The following KCTD16 variants were observed in gnomAD, a reference collection of about 807,000 sequenced individuals.
The protein encoded by KCTD16 is BTB/POZ domain-containing protein KCTD16.
KCTD16 carries 13 observed loss-of-function variants against 33.2 expected under a neutral mutation model. The observed-to-expected ratio is 0.39, with a 90% CI of 0.25 to 0.62. The LOEUF (loss-of-function observed/expected upper bound fraction) is 0.62, where lower values mean the gene tolerates loss of function less well. KCTD16 is among the 20% of genes least tolerant of loss of function. The pLI is 0.50. For missense variants in KCTD16, 441 were observed against 525.1 expected, an observed-to-expected ratio of 0.84 and a Z score of 1.57; for synonymous variants, 197 against 195.3, an observed-to-expected ratio of 1.01 and a Z score of -0.07.
intron 3 of KCTD16, among the ~76,000 whole-genome samples, chr5:144,405,428 C>T (rs187896261): frequency 1.6e-4 from 25 of 152,310 alleles, no homozygotes; most frequent in African/African-American, 5.1e-4. Context: ...TCCTGGATAC[C>T]TTGATCCCTG....
intron 3 of KCTD16, among the ~76,000 whole-genome samples, chr5:144,242,738 G>T (rs147334007): frequency 7.9e-5 from 12 of 152,222 alleles, no homozygotes; most frequent in Non-Finnish European, 1.6e-4. Flanking sequence ...TGTAGAGATT[G>T]CATGGTCATA....
At chr5:144,356,568 G>T (rs936336470) in intron 3 of KCTD16, among the ~76,000 whole-genome samples, 5 of 152,118 alleles carry the variant, frequency 3.3e-5, no homozygotes, top group African/African-American at 1.2e-4. Flanking sequence ...AAGGGGTCCA[G>T]TTCCTAATGT....
At chr5:144,418,288 G>T (rs182379015) in intron 3 of KCTD16, among the ~76,000 whole-genome samples, 1 of 152,286 alleles carries the variant, frequency 6.6e-6, no homozygotes, top group African/African-American at 2.4e-5. Context: ...GGTTGCCAAC[G>T]GGGATTCTGG....
chr5:144,418,619 C>T (rs948863970), intron 3 of KCTD16, among the ~76,000 whole-genome samples: 14 of 152,114 alleles, frequency 9.2e-5, no homozygotes, highest in Admixed American at 6.5e-5. Flanking sequence ...ATCAGTTAGC[C>T]TTAGGTATAT....
chr5:144,344,946 G>A (rs1752748472), intron 3 of KCTD16, among the ~76,000 whole-genome samples: 1 of 151,278 alleles, frequency 6.6e-6, no homozygotes, highest in Admixed American at 6.6e-5. Flanking sequence ...CAAAGACTTG[G>A]AACCAACCCA....
intron 3 of KCTD16, among the ~76,000 whole-genome samples, chr5:144,275,270 T>A (rs1755407974): frequency 6.6e-6 from 1 of 152,102 alleles, no homozygotes; most frequent in Non-Finnish European, 1.5e-5. Context: ...ACAAAAACGA[T>A]CCCACCTCCC....
At chr5:144,459,979 T>G (rs999290142) in intron 3 of KCTD16, among the ~76,000 whole-genome samples, 3 of 151,952 alleles carry the variant, frequency 2.0e-5, no homozygotes, top group African/African-American at 7.2e-5. Context: ...ACTACAGGCA[T>G]CTGCCACCAC....
chr5:144,304,425 A>G (rs573789270), intron 3 of KCTD16, among the ~76,000 whole-genome samples: 4 of 152,178 alleles, frequency 2.6e-5, no homozygotes, highest in South Asian at 4.2e-4. Flanking sequence ...TCTGGGAAGC[A>G]CCTAGAGGTT....
At chr5:144,275,845 G>C (rs1335220728) in intron 3 of KCTD16, among the ~76,000 whole-genome samples, 1 of 152,092 alleles carries the variant, frequency 6.6e-6, no homozygotes, top group East Asian at 1.9e-4. Context: ...AATGTGAAGT[G>C]TATTTCTAAT....
At chr5:144,251,247 G>A (rs1754692639) in intron 3 of KCTD16, among the ~76,000 whole-genome samples, 1 of 152,138 alleles carries the variant, frequency 6.6e-6, no homozygotes, top group African/African-American at 2.4e-5. Flanking sequence ...AAAGGTAGTA[G>A]GGGGTGGTGT....
At chr5:144,391,935 G>C (rs1221299624) in intron 3 of KCTD16, among the ~76,000 whole-genome samples, 1 of 152,154 alleles carries the variant, frequency 6.6e-6, no homozygotes, top group Non-Finnish European at 1.5e-5. Context: ...GACAAGTTGT[G>C]TGCTAAGTGC....
At position 144,284,055 on chromosome 5, in the gene KCTD16, C is replaced by T. The variant is rs142329662; in HGVS notation, c.832+76509C>T. 3.9e-3 allele frequency among the ~76,000 whole-genome samples: 588 copies of T among 152,260 alleles called. 4 individuals carry two copies. Among genetic ancestry groups the T allele is most frequent in the Admixed American group, 0.022 (338 of 15,294 alleles). On this transcript the variant is annotated intron_variant, in intron 3 of 3. Transcript: ENST00000512467. ...TTTCTGTTCTTTTAGGTGGATTATTCTCATGATATGATAAAGTCACTAGTT... is the reference window on the plus strand; with the variant it reads ...TTTCTGTTCTTTTAGGTGGATTATTTTCATGATATGATAAAGTCACTAGTT...
At chr5:144,275,857 C>T (rs1317359138) in intron 3 of KCTD16, among the ~76,000 whole-genome samples, 1 of 152,028 alleles carries the variant, frequency 6.6e-6, no homozygotes, top group Non-Finnish European at 1.5e-5. Flanking sequence ...ATTTCTAATC[C>T]CTAAAACGTG....
At chr5:144,388,109 G>A (rs1031112110) in intron 3 of KCTD16, among the ~76,000 whole-genome samples, 82 of 103,464 alleles carry the variant, frequency 7.9e-4, no homozygotes, top group African/African-American at 3.6e-3. Context: ...ATGGAGTCTC[G>A]CTCTGTTGCC....
rs372988750 is a variant in KCTD16, at chr5:144,383,302, C to A, written c.833-90358C>A. Among the ~76,000 whole-genome samples, 53 of 152,296 alleles carry A rather than the reference C, an allele frequency of 3.5e-4. No homozygotes were observed. In the East Asian group the frequency reaches 0.01, roughly 29 times the overall value. ...CTTTCATCCTGTAGAGCTGACATTT[C>A]TCTGCGTCAGAGCTGCCATTTTGAC... On this transcript the variant is annotated intron_variant, in intron 3 of 3. Transcript: ENST00000512467.
rs964840115 is a variant in KCTD16, at chr5:144,479,005, A to G, written c.*4891A>G. On this transcript the variant is annotated 3_prime_UTR_variant, in exon 4 of 4. Coordinates refer to ENST00000512467, the MANE Select transcript of KCTD16 (RefSeq NM_020768.4). The stretch of plus-strand genomic sequence containing the variant: ...CTGGGTAGATGGGAGCATATCTCTG[A>G]GTGAGATGTATTCTAATGATACCCA... 9 of 151,908 alleles carry G rather than the reference A, an allele frequency of 5.9e-5. No homozygotes were observed. Among genetic ancestry groups the G allele is most frequent in the Admixed American group, 5.9e-4 (9 of 15,230 alleles). The allele number at this position is 151,908 out of a possible 1,614,324, so 9.4% of individuals were successfully genotyped here. A position where few individuals can be genotyped will look rare whatever the true frequency, so the allele number is the denominator to read the frequency against.
At chr5:144,471,506 T>C (rs1269535581) in intron 3 of KCTD16, among the ~76,000 whole-genome samples, 1 of 152,224 alleles carries the variant, frequency 6.6e-6, no homozygotes, top group African/African-American at 2.4e-5. Context: ...AGATTGTCTC[T>C]GGTTTGATGT....
At chr5:144,189,327 C>G (rs774911084) in intron 2 of KCTD16, among the ~76,000 whole-genome samples, 6 of 151,874 alleles carry the variant, frequency 4.0e-5, no homozygotes, top group Non-Finnish European at 7.4e-5. Flanking sequence ...CCCGACTCTA[C>G]TAAAAATACA....
At chr5:144,198,617 G>A (rs1005553671) in intron 2 of KCTD16, among the ~76,000 whole-genome samples, 1 of 152,118 alleles carries the variant, frequency 6.6e-6, no homozygotes, top group African/African-American at 2.4e-5. Flanking sequence ...ACAAACAATC[G>A]CTATACCAAA....
Sources: allele counts gnomAD v4.1 joint callset (sites outside exome capture counted in the v4.1 genomes callset), GRCh38; gene constraint gnomAD v4.1.1; transcripts MANE v1.5; gene names NCBI Gene and HGNC (gene_info 2026-07-23, HGNC 2026-07-21).